The following TMEM59 variants were observed in gnomAD, a reference collection of about 807,000 sequenced individuals.
The protein encoded by TMEM59 is transmembrane protein 59, also known as dendritic cell factor 1.
Under a neutral mutation model 42.2 loss-of-function variants are expected in TMEM59, and 44 were observed. The ratio of observed to expected loss-of-function variants is 1.04; its 90% CI spans 0.82 to 1.34. The LOEUF (loss-of-function observed/expected upper bound fraction) is 1.34. TMEM59 is among the 40% of genes most tolerant of loss of function. The pLI is 0.00. For synonymous variants in TMEM59, 148 were observed against 145.8 expected (o/e 1.02, Z -0.11); for missense variants, 359 against 382.8 (o/e 0.94, Z 0.52).
Position 54,027,224 on chromosome 1 carries a change from A to G in TMEM59, c.*4926T>C, listed in dbSNP as rs761608289. On this transcript the variant is annotated 3_prime_UTR_variant, in exon 8 of 8. Coordinates refer to ENST00000234831, the MANE Select transcript of TMEM59 (RefSeq NM_004872.5). Reference sequence around the variant, plus strand: ...TCAAGATATGAATTTGAATTATAGTAATTTTAGAACCACCATGCAGTCTTA... The same window carrying G: ...TCAAGATATGAATTTGAATTATAGTGATTTTAGAACCACCATGCAGTCTTA... The G allele has an allele frequency of 6.6e-6, 1 of 152,222 alleles. No individual in the cohort carries two copies. Among genetic ancestry groups the G allele is most frequent in the Non-Finnish European group, 1.5e-5 (1 of 68,048 alleles). The allele number at this position is 152,222 out of a possible 1,614,324, so 9.4% of individuals were successfully genotyped here.
chr1:54,035,753 C>T (rs796104369), intron 7 of TMEM59, among the ~76,000 whole-genome samples: 14 of 152,174 alleles, frequency 9.2e-5, no homozygotes, highest in East Asian at 3.9e-4. Flanking sequence ...GCTGGGATCA[C>T]GGGCACGCAC....
intron 4 of TMEM59, among the ~76,000 whole-genome samples, chr1:54,042,094 T>C (rs1229467311): frequency 6.6e-6 from 1 of 150,986 alleles, no homozygotes; most frequent in Non-Finnish European, 1.5e-5. Context: ...GGACAAATCA[T>C]GACATACTAC....
At position 54,027,088 on chromosome 1, in the gene TMEM59, C is replaced by T. The variant is rs1173061010; in HGVS notation, c.*5062G>A. On this transcript the variant is annotated 3_prime_UTR_variant, in exon 8 of 8. Coordinates refer to ENST00000234831, the MANE Select transcript of TMEM59 (RefSeq NM_004872.5). ...TCACCAACTTCTAACTGAAATATAA[C>T]ATTTCCTTCAATTACGAATATAGGA... The T allele has an allele frequency of 2.0e-5, 3 of 152,164 alleles. No homozygotes were observed. Among genetic ancestry groups the T allele is most frequent in the African/African-American group, 4.8e-5 (2 of 41,436 alleles). 9.4% of individuals were successfully genotyped at this position (152,164 alleles called of 1,614,324 possible).
chr1:54,052,955 TG>T, intron 1 of TMEM59, 44 bp downstream of exon 1: 1 of 1,566,720 alleles, frequency 6.4e-7, no homozygotes, highest in Non-Finnish European at 8.7e-7. Context: ...AGCCGAGAAA[TG>T]GGCTGCAAGG....
chr1:54,043,807 A>G (rs1321994396), intron 3 of TMEM59: 1 of 157,930 alleles, frequency 6.3e-6, no homozygotes, highest in Non-Finnish European at 1.4e-5. Flanking sequence ...AAATAAGAAG[A>G]CTCTTAAGAT....
intron 4 of TMEM59, 36 bp downstream of exon 4, chr1:54,043,337 T>C: frequency 4.1e-6 from 6 of 1,468,050 alleles, no homozygotes; most frequent in Non-Finnish European, 5.4e-6. Flanking sequence ...TTACTGTTGT[T>C]AGTATTTAGA....
chr1:54,045,535 T>A, intron 3 of TMEM59, 157 bp downstream of exon 3: 1 of 623,270 alleles, frequency 1.6e-6, no homozygotes, highest in Non-Finnish European at 2.9e-6. Flanking sequence ...AAAGCAATTA[T>A]TCAACTGACT....
chr1:54,045,843 G>C, intron 2 of TMEM59, 57 bp from the exon 3 acceptor site: 10 of 1,435,512 alleles, frequency 7.0e-6, no homozygotes, highest in South Asian at 2.9e-5. Context: ...AAAGAGGAAA[G>C]AAAAGGATTT....
chr1:54,040,954 T>G lies in TMEM59; in HGVS notation c.626-117A>C, dbSNP rs113383219. The G allele has an allele frequency of 6.6e-6, 5 of 752,168 alleles. No homozygotes were observed. In the African/African-American group the frequency reaches 8.8e-5, roughly 13 times the overall value. The allele number at this position is 752,168 out of a possible 1,614,324, so 46.6% of individuals were successfully genotyped here. A position where few individuals can be genotyped will look rare whatever the true frequency, so the allele number is the denominator to read the frequency against. ...TCCAATTGTTTTTGTTTGTGTCATCTGATACATTTTATAATGTGTACCAGT... is the reference window on the plus strand; with the variant it reads ...TCCAATTGTTTTTGTTTGTGTCATCGGATACATTTTATAATGTGTACCAGT... On this transcript the variant is annotated intron_variant, in intron 5 of 7. Coordinates refer to ENST00000234831, the MANE Select transcript of TMEM59 (RefSeq NM_004872.5).
At chr1:54,044,360 A>AAAAAAAAG (rs1657253622) in intron 3 of TMEM59, 1 of 150,500 alleles carries the variant, frequency 6.6e-6, no homozygotes, top group Non-Finnish European at 1.5e-5. Context: ...AAAAAAAAAA[A>AAAAAAAAG]GGATTTTGAC....
chr1:54,053,355 C>A, upstream of TMEM59: 1 of 724,160 alleles, frequency 1.4e-6, no homozygotes, highest in African/African-American at 1.8e-5. Flanking sequence ...TCCTGCCTCA[C>A]CTCTGGGACT....
intron 4 of TMEM59, 59 bp from the exon 5 acceptor site, chr1:54,041,864 A>C (rs913545864): frequency 1.5e-6 from 2 of 1,340,908 alleles, no homozygotes; most frequent in Non-Finnish European, 2.1e-6. Context: ...TTTCAGTAAC[A>C]AGTTCTAAAA....
chr1:54,053,100 G>A lies in TMEM59; in HGVS notation c.89C>T (p.Ser30Leu). The change falls in exon 1 of 8, where the codon TCG becomes TTG. Residue 30 changes from serine to leucine, a missense_variant. By Grantham distance (145) the Ser-to-Leu change is moderately radical (BLOSUM62 -2). Transcript: ENST00000234831. The stretch of plus-strand genomic sequence containing the variant: ...AAATGCTTCAGCCGAAGCGGTCCCC[G>A]AACCTCCGGCCAAGGCCATGGTCAG... ...LLLTMALAGGSGTASAEAFDS... is the reference protein window; with the variant it reads ...LLLTMALAGGLGTASAEAFDS... 6.2e-7 allele frequency: 1 copy of A among 1,614,230 alleles called. No homozygotes were observed. The highest frequency in any genetic ancestry group is 8.5e-7 in the Non-Finnish European group (1 of 1,180,040).
upstream of TMEM59, chr1:54,053,333 G>A (rs909218115): frequency 1.3e-5 from 12 of 953,328 alleles, no homozygotes; most frequent in African/African-American, 3.3e-5. Flanking sequence ...TCACCCGCCA[G>A]AAACTGCCGC....
intron 6 of TMEM59, among the ~76,000 whole-genome samples, chr1:54,039,524 T>A (rs1038415386): frequency 6.6e-6 from 1 of 152,250 alleles, no homozygotes; most frequent in Non-Finnish European, 1.5e-5. Context: ...AATCCTTGTT[T>A]TCTCACATAG....
chr1:54,045,889 G>T, intron 2 of TMEM59, 103 bp from the exon 3 acceptor site: 2 of 1,016,746 alleles, frequency 2.0e-6, no homozygotes, highest in Non-Finnish European at 2.8e-6. Flanking sequence ...ACTTAAAAAG[G>T]TTTCATCAAT....
chr1:54,037,307 T>C (rs1380648599), intron 6 of TMEM59, among the ~76,000 whole-genome samples: 2 of 152,246 alleles, frequency 1.3e-5, no homozygotes, highest in African/African-American at 4.8e-5. Context: ...AAAGAGATAG[T>C]TATATTTTCC....
At chr1:54,053,313 A>C, upstream of TMEM59, 1 of 1,209,066 alleles carries the variant, frequency 8.3e-7, no homozygotes, top group Non-Finnish European at 1.1e-6. Flanking sequence ...CTGTCACTTC[A>C]GCTCCGCCCT....
intron 1 of TMEM59, among the ~76,000 whole-genome samples, chr1:54,048,267 A>C (rs1230495433): frequency 6.6e-6 from 1 of 152,236 alleles, no homozygotes; most frequent in Non-Finnish European, 1.5e-5. Flanking sequence ...AGGACACTGC[A>C]ATCAGCCAGA....
Sources: allele counts gnomAD v4.1 joint callset (sites outside exome capture counted in the v4.1 genomes callset), GRCh38; gene constraint gnomAD v4.1.1; transcripts MANE v1.5; gene names NCBI Gene and HGNC (gene_info 2026-07-23, HGNC 2026-07-21).